IDE: variants seen among roughly 807,000 people sequenced by gnomAD.
IDE encodes insulin-degrading enzyme.
In IDE, 58 loss-of-function variants were observed where a neutral mutation model predicts 133.2. The observed-to-expected ratio is 0.44, with a 90% CI of 0.35 to 0.54. The LOEUF (loss-of-function observed/expected upper bound fraction) is 0.54. Ranked by LOEUF, IDE falls within the 20% of genes least tolerant of loss-of-function variation. The pLI is 0.00. For synonymous variants in IDE, 396 were observed against 421.3 expected, an observed-to-expected ratio of 0.94 and a Z score of 0.73; for missense variants, 981 against 1,234.0, an observed-to-expected ratio of 0.79 and a Z score of 3.07.
intron 5 of IDE, among the ~76,000 whole-genome samples, chr10:92,510,390 C>G (rs1848518224): frequency 6.6e-6 from 1 of 151,886 alleles, no homozygotes; most frequent in Non-Finnish European, 1.5e-5. Flanking sequence ...ATATTAGAAA[C>G]AATAATAATT....
chr10:92,509,807 A>T (rs954349823), intron 6 of IDE, among the ~76,000 whole-genome samples: 1 of 151,434 alleles, frequency 6.6e-6, no homozygotes, highest in Non-Finnish European at 1.5e-5. Context: ...TGTAGTCCCA[A>T]CTACTCAGAA....
chr10:92,520,318 A>G (rs986855959), intron 4 of IDE, among the ~76,000 whole-genome samples: 1 of 152,224 alleles, frequency 6.6e-6, no homozygotes, highest in Admixed American at 6.5e-5. Context: ...TTACAAACTC[A>G]GCACTAATGT....
chr10:92,532,013 A>C lies in IDE; in HGVS notation c.492-96T>G, dbSNP rs551736761. 6.3e-4 allele frequency: 533 copies of C among 848,180 alleles called. 7 individuals carry two copies. The South Asian group carries it at 0.015, about 24-fold the overall frequency. The allele number at this position is 848,180 out of a possible 1,614,324, so 52.5% of individuals were successfully genotyped here. A position where few individuals can be genotyped will look rare whatever the true frequency, so the allele number is the denominator to read the frequency against. ...TGGAACTTATTAGATAGGAAATGTA[A>C]ATTTTGCAGAATCAGAAACAAAACT... On this transcript the variant is annotated intron_variant, in intron 3 of 24. Coordinates refer to ENST00000265986, the MANE Select transcript of IDE (RefSeq NM_004969.4).
chr10:92,518,348 C>A (rs1185931634), intron 4 of IDE, among the ~76,000 whole-genome samples: 1 of 152,164 alleles, frequency 6.6e-6, no homozygotes, highest in Non-Finnish European at 1.5e-5. Context: ...ATCTCCTCAA[C>A]TGACATTAGT....
Position 92,524,133 on chromosome 10 carries a change from A to G in IDE, c.661+7615T>C, listed in dbSNP as rs536541594. ...GTGGATACCAACTAAATTCAATAACATATTAAAAATATCATTCAATTCACA... is the reference window on the plus strand; with the variant it reads ...GTGGATACCAACTAAATTCAATAACGTATTAAAAATATCATTCAATTCACA... On this transcript the variant is annotated intron_variant, in intron 4 of 24. Transcript: ENST00000265986. Among the ~76,000 whole-genome samples, 16 of 123,164 alleles carry G rather than the reference A, an allele frequency of 1.3e-4. No individual in the cohort carries two copies. The South Asian group carries it at 3.7e-3, about 29-fold the overall frequency. 80.8% of individuals were successfully genotyped at this position (123,164 alleles called of 152,430 possible). A position where few individuals can be genotyped will look rare whatever the true frequency, so the allele number is the denominator to read the frequency against.
At chr10:92,543,424 G>A (rs1340204140) in intron 1 of IDE, among the ~76,000 whole-genome samples, 2 of 152,134 alleles carry the variant, frequency 1.3e-5, no homozygotes, top group Admixed American at 1.3e-4. Context: ...ATAACAACAT[G>A]TCTTAGGGAA....
chr10:92,502,102 A>G (rs1848057005), intron 11 of IDE, among the ~76,000 whole-genome samples: 1 of 152,162 alleles, frequency 6.6e-6, no homozygotes. Flanking sequence ...TGATCCCGCC[A>G]CTACAGTCCA....
intron 6 of IDE, among the ~76,000 whole-genome samples, chr10:92,509,742 G>A (rs1173586931): frequency 2.0e-5 from 3 of 152,092 alleles, no homozygotes; most frequent in Non-Finnish European, 4.4e-5. Flanking sequence ...GCAACATGGT[G>A]AAACCCTGTG....
At chr10:92,522,852 AGC>A (rs1849306279) in intron 4 of IDE, among the ~76,000 whole-genome samples, 3 of 152,210 alleles carry the variant, frequency 2.0e-5, no homozygotes, top group Non-Finnish European at 2.9e-5. Context: ...TGCTTAGCAT[AGC>A]ACTCAATAAA....
rs1262885450 is a variant in IDE at position 92,452,882 on chromosome 10, G to A, written c.*1562C>T. The A allele has an allele frequency of 6.6e-6, 1 of 152,152 alleles. No homozygotes were observed. The highest frequency in any genetic ancestry group is 2.4e-5 in the African/African-American group (1 of 41,432). 9.4% of individuals were successfully genotyped at this position (152,152 alleles called of 1,614,324 possible). The stretch of plus-strand genomic sequence containing the variant: ...ATAAAGACAGGCTTCATATAAGGAG[G>A]TTCTTGAAGGTAGGGATAAAAAGAT... On this transcript the variant is annotated 3_prime_UTR_variant, in exon 25 of 25. Transcript: ENST00000265986.
chr10:92,553,282 G>C (rs1368190910), intron 1 of IDE, among the ~76,000 whole-genome samples: 1 of 151,894 alleles, frequency 6.6e-6, no homozygotes, highest in Admixed American at 6.6e-5. Flanking sequence ...AAATTAGCCA[G>C]GTGTGGTGGC....
intron 17 of IDE, among the ~76,000 whole-genome samples, chr10:92,470,867 T>C (rs1845930323): frequency 6.6e-6 from 1 of 152,232 alleles, no homozygotes; most frequent in Non-Finnish European, 1.5e-5. Flanking sequence ...TATGTTGTAG[T>C]ACTAGTGATG....
intron 4 of IDE, among the ~76,000 whole-genome samples, chr10:92,527,424 G>T (rs1849686660): frequency 1.3e-5 from 2 of 151,608 alleles, no homozygotes; most frequent in African/African-American, 4.9e-5. Context: ...GCTATTCTTG[G>T]CCTTTTACTC....
intron 1 of IDE, among the ~76,000 whole-genome samples, chr10:92,553,035 A>G (rs891020523): frequency 2.6e-5 from 4 of 152,028 alleles, no homozygotes; most frequent in Non-Finnish European, 5.9e-5. Flanking sequence ...TCCAAGCCAT[A>G]ATAATTTGAG....
At chr10:92,516,803 C>T (rs1248359180) in intron 4 of IDE, among the ~76,000 whole-genome samples, 1 of 152,138 alleles carries the variant, frequency 6.6e-6, no homozygotes, top group Non-Finnish European at 1.5e-5. Context: ...TATAACTCTC[C>T]AGCGATGTAT....
At chr10:92,477,394 C>G (rs1846327147) in intron 15 of IDE, among the ~76,000 whole-genome samples, 1 of 149,500 alleles carries the variant, frequency 6.7e-6, no homozygotes. Flanking sequence ...GAGCTCAAAG[C>G]AATCTGCCTG....
chr10:92,494,558 A>G (rs1847577390), intron 11 of IDE, among the ~76,000 whole-genome samples: 2 of 152,106 alleles, frequency 1.3e-5, no homozygotes, highest in Non-Finnish European at 2.9e-5. Flanking sequence ...CCTGGGCAAT[A>G]CAGTGAGATC....
Position 92,506,471 on chromosome 10 carries a change from A to G in IDE, c.1297T>C (p.Tyr433His). The stretch of plus-strand genomic sequence containing the variant: ...AATATTCCTGCAATCTTAGATGTAT[A>G]GCCCCGTGGCCTCTCTTTGTCTTTA... ...RFKDKERPRG[Y>H]TSKIAGILHY... The change falls in exon 10 of 25, where the codon TAT (tyrosine) becomes CAT (histidine). Residue 433 changes from tyrosine to histidine, a missense_variant. By Grantham distance (83) the Tyr-to-His change is moderately conservative. Coordinates refer to ENST00000265986, the MANE Select transcript of IDE (RefSeq NM_004969.4). 6.3e-7 allele frequency: 1 copy of G among 1,591,056 alleles called. No individual in the cohort carries two copies. The highest frequency in any genetic ancestry group is 8.6e-7 in the Non-Finnish European group (1 of 1,160,538).
At chr10:92,479,639 G>T (rs761558865) in intron 14 of IDE, 1 of 453,288 alleles carries the variant, frequency 2.2e-6, no homozygotes, top group Non-Finnish European at 4.0e-6. Flanking sequence ...GCATGCGTGC[G>T]TGTGTGCGTG....
Sources: allele counts gnomAD v4.1 joint callset (sites outside exome capture counted in the v4.1 genomes callset), GRCh38; gene constraint gnomAD v4.1.1; transcripts MANE v1.5; gene names NCBI Gene and HGNC (gene_info 2026-07-23, HGNC 2026-07-21).